Variants in MALRD1 observed in about 807,000 individuals in gnomAD.
MALRD1 encodes MAM and LDL-receptor class A domain-containing protein 1.
MALRD1 carries 247 observed loss-of-function variants against 242.1 expected under a neutral mutation model. That is an observed-to-expected ratio of 1.02 (90% CI 0.92 to 1.13). The LOEUF is 1.13. Among genes scored for constraint, MALRD1 ranks in the 50% most tolerant of loss-of-function variants. The pLI is 0.00. For missense variants in MALRD1, 2,989 were observed against 2,533.1 expected, an observed-to-expected ratio of 1.18 and a Z score of -3.86; for synonymous variants, 995 against 866.6, an observed-to-expected ratio of 1.15 and a Z score of -2.60.
At chr10:19,301,629 A>G (rs760840347) in intron 21 of MALRD1, among the ~76,000 whole-genome samples, 3 of 151,794 alleles carry the variant, frequency 2.0e-5, no homozygotes, top group Admixed American at 6.6e-5. Context: ...AGCAAATACC[A>G]TATATTCTTC....
intron 28 of MALRD1, among the ~76,000 whole-genome samples, chr10:19,444,144 T>A (rs909235974): frequency 9.2e-5 from 14 of 152,208 alleles, no homozygotes; most frequent in African/African-American, 3.1e-4. Context: ...TGCTTTTTTT[T>A]ATTTTCCATT....
chr10:19,437,514 TA>T (rs964937506), intron 28 of MALRD1, among the ~76,000 whole-genome samples: 7 of 151,838 alleles, frequency 4.6e-5, no homozygotes, highest in East Asian at 3.9e-4. Context: ...TTATTATTAT[TA>T]TTTTTTGTTA....
intron 36 of MALRD1, among the ~76,000 whole-genome samples, chr10:19,659,860 T>C (rs1409161919): frequency 6.6e-6 from 1 of 152,080 alleles, no homozygotes; most frequent in Non-Finnish European, 1.5e-5. Context: ...AGGTAGAAAA[T>C]TTCCTATCCA....
chr10:19,314,740 A>C (rs1842568179), intron 21 of MALRD1, among the ~76,000 whole-genome samples: 1 of 151,488 alleles, frequency 6.6e-6, no homozygotes, highest in Non-Finnish European at 1.5e-5. Flanking sequence ...CTTACTGCAA[A>C]GGTAGAGTTG....
chr10:19,554,864 T>A (rs184674928), intron 32 of MALRD1, among the ~76,000 whole-genome samples: 27 of 152,236 alleles, frequency 1.8e-4, no homozygotes, highest in Admixed American at 1.8e-3. Context: ...TATGCATGCA[T>A]GTATCTTTGT....
chr10:19,633,042 G>T (rs555593469), intron 36 of MALRD1, among the ~76,000 whole-genome samples: 2 of 152,200 alleles, frequency 1.3e-5, no homozygotes, highest in South Asian at 4.2e-4. Flanking sequence ...GATCAGCCTG[G>T]CCAATATGGT....
chr10:19,659,437 ACTC>A (rs1388371068), intron 36 of MALRD1, among the ~76,000 whole-genome samples: 2 of 152,086 alleles, frequency 1.3e-5, no homozygotes, highest in African/African-American at 4.8e-5. Flanking sequence ...TTCTTAAGTT[ACTC>A]CTCATCAATC....
At chr10:19,269,693 GC>G (rs111508689) in intron 19 of MALRD1, among the ~76,000 whole-genome samples, 20,169 of 152,166 alleles carry the variant, frequency 0.13, 1,655 homozygotes, top group Admixed American at 0.27. Flanking sequence ...AAGAAGAAAC[GC>G]TTTTCTCATT....
At chr10:19,397,965 A>ACT (rs1279903160) in intron 28 of MALRD1, among the ~76,000 whole-genome samples, 4 of 150,226 alleles carry the variant, frequency 2.7e-5, no homozygotes, top group Admixed American at 2.7e-4. Flanking sequence ...CTCATTTAAG[A>ACT]CTCATGTATA....
At chr10:19,589,289 CTA>C (rs35036431) in intron 33 of MALRD1, among the ~76,000 whole-genome samples, 76,556 of 150,816 alleles carry the variant, frequency 0.51, 19,415 homozygotes, top group Non-Finnish European at 0.53. Flanking sequence ...TAAAGTATGT[CTA>C]TATATATATA....
Position 19,199,518 on chromosome 10 carries a change from G to A in MALRD1, c.1952-4210G>A, listed in dbSNP as rs114281757. Among the ~76,000 whole-genome samples, 1,295 of 152,094 alleles carry A rather than the reference G, an allele frequency of 8.5e-3. 14 individuals are homozygous for A. Among genetic ancestry groups the A allele is most frequent in the African/African-American group, 0.03 (1,225 of 41,478 alleles). On this transcript the variant is annotated intron_variant, in intron 14 of 39. Coordinates refer to ENST00000454679, the MANE Select transcript of MALRD1 (RefSeq NM_001142308.3). ...TTTCTCATATCTAAAATAAGGACAC[G>A]GGCCAGGTGCAGTGGCTCACGCCTG...
At chr10:19,652,079 C>A (rs7070245) in intron 36 of MALRD1, among the ~76,000 whole-genome samples, 16,182 of 152,046 alleles carry the variant, frequency 0.11, 2,262 homozygotes, top group African/African-American at 0.32. Flanking sequence ...GCCAACAGGG[C>A]CAGCGAGGGT....
At chr10:19,565,207 G>A (rs1293648515) in intron 32 of MALRD1, among the ~76,000 whole-genome samples, 1 of 152,122 alleles carries the variant, frequency 6.6e-6, no homozygotes, top group Non-Finnish European at 1.5e-5. Context: ...TGACATTGGG[G>A]AGGGAAAGTC....
chr10:19,256,048 T>C (rs1028441343), intron 18 of MALRD1, among the ~76,000 whole-genome samples: 81 of 152,098 alleles, frequency 5.3e-4, no homozygotes, highest in Admixed American at 5.2e-3. Context: ...CAGCTACTTA[T>C]ATGTACAACA....
intron 28 of MALRD1, among the ~76,000 whole-genome samples, chr10:19,393,533 T>C (rs939761543): frequency 4.7e-5 from 7 of 148,982 alleles, no homozygotes; most frequent in African/African-American, 9.9e-5. Flanking sequence ...GCAAGCTCCG[T>C]CTCCCGGGTT....
At chr10:19,237,718 A>C (rs1332420307) in intron 18 of MALRD1, among the ~76,000 whole-genome samples, 1 of 114,874 alleles carries the variant, frequency 8.7e-6, no homozygotes, top group Non-Finnish European at 1.7e-5. Context: ...ATATATTTAT[A>C]TATAAATATA....
At chr10:19,412,907 A>G (rs1343489065) in intron 28 of MALRD1, among the ~76,000 whole-genome samples, 1 of 152,240 alleles carries the variant, frequency 6.6e-6, no homozygotes, top group East Asian at 1.9e-4. Flanking sequence ...TTAATAAATT[A>G]AAAGTTATTA....
At chr10:19,692,392 TG>T in intron 37 of MALRD1, 31 bp downstream of exon 37, 1 of 1,530,880 alleles carries the variant, frequency 6.5e-7, no homozygotes, top group South Asian at 1.2e-5. Context: ...ATAAATGGCT[TG>T]GTTTGGGGTG....
intron 31 of MALRD1, among the ~76,000 whole-genome samples, chr10:19,520,590 C>G (rs1833833935): frequency 1.3e-5 from 2 of 152,164 alleles, no homozygotes; most frequent in Admixed American, 6.5e-5. Flanking sequence ...TAAAAGTTTT[C>G]TGTGAAAAGG....
Sources: allele counts gnomAD v4.1 joint callset (sites outside exome capture counted in the v4.1 genomes callset), GRCh38; gene constraint gnomAD v4.1.1; transcripts MANE v1.5; gene names NCBI Gene and HGNC (gene_info 2026-07-23, HGNC 2026-07-21).